The following SUGCT variants were observed in gnomAD, a reference collection of about 807,000 sequenced individuals.
SUGCT encodes succinyl-CoA:glutarate-CoA transferase, also known as succinyl-CoA:glutarate CoA-transferase.
Under a neutral mutation model 55.0 loss-of-function variants are expected in SUGCT, and 41 were observed. The observed-to-expected ratio is 0.74, with a 90% CI of 0.58 to 0.97. The LOEUF (loss-of-function observed/expected upper bound fraction) is 0.97. SUGCT is among the 50% of genes least tolerant of loss of function. The probability of loss-of-function intolerance (pLI) is 0.00; values close to 1 mark genes in which losing one functional copy is unlikely to be tolerated. For missense variants in SUGCT, 568 were observed against 547.8 expected (o/e 1.04, Z -0.37); for synonymous variants, 187 against 200.4 (o/e 0.93, Z 0.56).
intron 9 of SUGCT, among the ~76,000 whole-genome samples, chr7:40,339,136 G>A (rs1336578091): frequency 1.3e-5 from 2 of 152,188 alleles, no homozygotes; most frequent in Non-Finnish European, 2.9e-5. Flanking sequence ...ACCCAGCCGT[G>A]TGAGGTGTCA....
intron 12 of SUGCT, among the ~76,000 whole-genome samples, chr7:40,685,348 T>G (rs1034969313): frequency 6.6e-6 from 1 of 152,216 alleles, no homozygotes; most frequent in Non-Finnish European, 1.5e-5. Flanking sequence ...CCCTCTATCC[T>G]GTCTTCTGAT....
intron 9 of SUGCT, among the ~76,000 whole-genome samples, chr7:40,426,912 C>A (rs1384456917): frequency 2.0e-5 from 3 of 152,086 alleles, no homozygotes; most frequent in Non-Finnish European, 1.5e-5. Context: ...CTGCTGGACT[C>A]TAGCAATCCT....
chr7:40,471,748 T>C (rs1167117942), intron 11 of SUGCT, among the ~76,000 whole-genome samples: 3 of 152,050 alleles, frequency 2.0e-5, no homozygotes, highest in Admixed American at 6.5e-5. Context: ...TGCTATATGG[T>C]AGAACAATTC....
chr7:40,381,099 AG>A (rs1462224884), intron 9 of SUGCT, among the ~76,000 whole-genome samples: 1 of 152,108 alleles, frequency 6.6e-6, no homozygotes, highest in African/African-American at 2.4e-5. Flanking sequence ...GAGAAGAATA[AG>A]AGGGTCCATT....
chr7:40,611,080 G>A (rs538050890), intron 12 of SUGCT, among the ~76,000 whole-genome samples: 3 of 152,178 alleles, frequency 2.0e-5, no homozygotes, highest in African/African-American at 2.4e-5. Context: ...CACTGTTGAC[G>A]GTAACTTCTT....
intron 12 of SUGCT, among the ~76,000 whole-genome samples, chr7:40,506,772 T>G (rs1480827648): frequency 6.6e-6 from 1 of 152,194 alleles, no homozygotes; most frequent in Non-Finnish European, 1.5e-5. Flanking sequence ...ATCTATCTTA[T>G]AAGTTTGCTG....
At chr7:40,859,010 G>A (rs1207119411) in intron 13 of SUGCT, among the ~76,000 whole-genome samples, 2 of 152,144 alleles carry the variant, frequency 1.3e-5, no homozygotes, top group Non-Finnish European at 2.9e-5. Flanking sequence ...TTACTGATGG[G>A]CATTCTTTTA....
chr7:40,270,307 C>A (rs768241772), intron 7 of SUGCT, among the ~76,000 whole-genome samples: 18 of 151,860 alleles, frequency 1.2e-4, no homozygotes, highest in Non-Finnish European at 2.1e-4. Flanking sequence ...GTTGCTAGTG[C>A]TTTTGATGTC....
At chr7:40,937,170 C>T in the SUGCT span, among the ~76,000 whole-genome samples, 1 of 152,090 alleles carries the variant, frequency 6.6e-6, no homozygotes, top group African/African-American at 2.4e-5. Flanking sequence ...GTTCTTCCTC[C>T]ACCCCCTCAC....
chr7:40,351,457 A>G lies in SUGCT; in HGVS notation c.816+34602A>G, dbSNP rs774740285. Among the ~76,000 whole-genome samples the G allele has an allele frequency of 2.6e-5, 4 of 151,852 alleles. No individual in the cohort carries two copies. The South Asian group carries it at 8.3e-4, about 31-fold the overall frequency. ...TCCTAATTCCTTGAGTGGATTATTT[A>G]TTTAGGAATTTAGCAAAATGTACTT... On this transcript the variant is annotated intron_variant, in intron 9 of 13. Transcript: ENST00000335693.
At chr7:40,288,505 A>G (rs1205836770) in intron 8 of SUGCT, among the ~76,000 whole-genome samples, 2 of 151,908 alleles carry the variant, frequency 1.3e-5, no homozygotes, top group African/African-American at 4.8e-5. Context: ...TTGGATAAAA[A>G]CTCATCAGTT....
chr7:40,397,195 A>G (rs945451688), intron 9 of SUGCT, among the ~76,000 whole-genome samples: 14 of 152,202 alleles, frequency 9.2e-5, no homozygotes, highest in Non-Finnish European at 1.9e-4. Context: ...AGCAGACTGT[A>G]TCTCAAAGGA....
chr7:40,693,408 G>T (rs1033604997), intron 12 of SUGCT, among the ~76,000 whole-genome samples: 6 of 152,144 alleles, frequency 3.9e-5, no homozygotes, highest in African/African-American at 1.4e-4. Flanking sequence ...TGCTTTACAT[G>T]CATTCATGCA....
At chr7:40,334,285 C>T (rs1450809100) in intron 9 of SUGCT, among the ~76,000 whole-genome samples, 2 of 152,130 alleles carry the variant, frequency 1.3e-5, no homozygotes, top group Non-Finnish European at 2.9e-5. Context: ...ATGGCTGGGT[C>T]AAATGGTATT....
the SUGCT span, among the ~76,000 whole-genome samples, chr7:40,996,070 T>C: frequency 0.014 from 2,174 of 152,252 alleles, 45 homozygotes; most frequent in African/African-American, 0.049. Context: ...TGGAGAAATA[T>C]CTTTGGAAAA....
At chr7:40,927,247 A>T in the SUGCT span, among the ~76,000 whole-genome samples, 1 of 152,324 alleles carries the variant, frequency 6.6e-6, no homozygotes, top group Admixed American at 6.5e-5. Flanking sequence ...AAATAAAGAT[A>T]AAATAAATTG....
At chr7:40,207,313 G>T (rs1390641040) in intron 6 of SUGCT, among the ~76,000 whole-genome samples, 8 of 152,122 alleles carry the variant, frequency 5.3e-5, no homozygotes. Context: ...CATGAAAAAT[G>T]CTCCACATCA....
At chr7:40,554,227 G>T (rs548252573) in intron 12 of SUGCT, among the ~76,000 whole-genome samples, 1 of 152,162 alleles carries the variant, frequency 6.6e-6, no homozygotes, top group African/African-American at 2.4e-5. Context: ...GTAAATCTGC[G>T]CAGATGATAA....
chr7:40,275,287 A>G (rs1792389380), intron 8 of SUGCT, among the ~76,000 whole-genome samples: 1 of 152,104 alleles, frequency 6.6e-6, no homozygotes, highest in Non-Finnish European at 1.5e-5. Flanking sequence ...TTCACCTTTT[A>G]TGTGCCACGA....
Sources: allele counts gnomAD v4.1 joint callset (sites outside exome capture counted in the v4.1 genomes callset), GRCh38; gene constraint gnomAD v4.1.1; transcripts MANE v1.5; gene names NCBI Gene and HGNC (gene_info 2026-07-23, HGNC 2026-07-21).